The following SLC35F5 variants were observed in gnomAD, a reference collection of about 807,000 sequenced individuals.
SLC35F5 encodes HCV NS5A-transactivated protein 3.
SLC35F5 carries 54 observed loss-of-function variants against 68.6 expected under a neutral mutation model. That is an observed-to-expected ratio of 0.79 (90% CI 0.63 to 0.99). The LOEUF (loss-of-function observed/expected upper bound fraction) is 0.99, where lower values mean the gene tolerates loss of function less well. Among genes scored for constraint, SLC35F5 ranks in the 50% least tolerant of loss-of-function variants. The pLI, the probability that SLC35F5 is intolerant of heterozygous loss-of-function variation, is 0.00. For synonymous variants in SLC35F5, 211 were observed against 205.2 expected (o/e 1.03, Z -0.24); for missense variants, 567 against 626.9 (o/e 0.90, Z 1.02).
chr2:113,724,041 A>T (rs1014222077), intron 12 of SLC35F5, among the ~76,000 whole-genome samples: 2 of 152,228 alleles, frequency 1.3e-5, no homozygotes, highest in African/African-American at 4.8e-5. Context: ...CAGAATTAAT[A>T]GTGCTGTCCT....
At chr2:113,725,594 T>G in intron 11 of SLC35F5, 57 bp from the exon 12 acceptor site, 1 of 1,446,024 alleles carries the variant, frequency 6.9e-7, no homozygotes, top group Non-Finnish European at 9.2e-7. Context: ...TTTTCCAAGC[T>G]TATTAACTCT....
At chr2:113,748,953 G>A (rs898510453) in intron 4 of SLC35F5, among the ~76,000 whole-genome samples, 6 of 152,102 alleles carry the variant, frequency 3.9e-5, no homozygotes, top group Admixed American at 1.3e-4. Context: ...ACAGGAGTGC[G>A]CCACCATGCC....
chr2:113,755,864 C>T, intron 1 of SLC35F5: 2 of 1,550,638 alleles, frequency 1.3e-6, no homozygotes, highest in Non-Finnish European at 1.7e-6. Flanking sequence ...CCTCTCCATC[C>T]AGAGGAATCC....
chr2:113,734,779 A>T, intron 8 of SLC35F5, 106 bp from the exon 9 acceptor site: 2 of 652,702 alleles, frequency 3.1e-6, no homozygotes, highest in East Asian at 5.5e-5. Context: ...CCTACCTTTC[A>T]AATTATTTTT....
chr2:113,732,376 T>C (rs747324244), intron 9 of SLC35F5, among the ~76,000 whole-genome samples: 15 of 152,054 alleles, frequency 9.9e-5, no homozygotes, highest in Non-Finnish European at 2.2e-4. Flanking sequence ...TCTATTTCTA[T>C]GAATCTTATA....
chr2:113,744,173 C>T (rs1016059645), intron 5 of SLC35F5, among the ~76,000 whole-genome samples: 3 of 152,078 alleles, frequency 2.0e-5, no homozygotes, highest in South Asian at 2.1e-4. Context: ...CTATGTCAGA[C>T]GCTGTTCTAA....
At position 113,742,844 on chromosome 2, in the gene SLC35F5, T is replaced by C; in HGVS notation, c.598A>G (p.Met200Val). The C allele has an allele frequency of 6.2e-7, 1 of 1,614,110 alleles. No individual in the cohort carries two copies. Among genetic ancestry groups the C allele is most frequent in the South Asian group, 1.1e-5 (1 of 91,080 alleles). ...CTTGACGGAAGCTGTCGAATCTCCA[T>C]GATATTACTGAACCTCACACGAGAC... is the stretch of plus-strand genomic sequence containing the variant. ...KKSRVRFSNI[M>V]EIRQLPSSHA... is the part of the protein sequence containing the mutation. Residue 200 changes from methionine to valine, a missense_variant, in exon 7 of 16, where the codon ATG becomes GTG. Physicochemically the swap from Met to Val is conservative, Grantham distance 21. Transcript: ENST00000245680.
intron 7 of SLC35F5, among the ~76,000 whole-genome samples, chr2:113,738,756 T>A (rs1257807540): frequency 6.6e-6 from 1 of 152,072 alleles, no homozygotes; most frequent in Non-Finnish European, 1.5e-5. Flanking sequence ...GTCCAGTACA[T>A]TAGACACTAG....
intron 4 of SLC35F5, 32 bp from the exon 5 acceptor site, chr2:113,746,371 T>C (rs770623343): frequency 6.4e-7 from 1 of 1,566,152 alleles, no homozygotes; most frequent in East Asian, 2.2e-5. Context: ...CAAAATTCAA[T>C]GAAACTTACA....
intron 7 of SLC35F5, among the ~76,000 whole-genome samples, chr2:113,739,373 C>T (rs1055868323): frequency 6.6e-6 from 1 of 151,736 alleles, no homozygotes; most frequent in African/African-American, 2.4e-5. Context: ...TATTTTTTCA[C>T]CTTCATTATT....
intron 4 of SLC35F5, among the ~76,000 whole-genome samples, chr2:113,747,498 G>C (rs1473520044): frequency 6.6e-6 from 1 of 152,140 alleles, no homozygotes; most frequent in African/African-American, 2.4e-5. Context: ...TGCTGTAAAA[G>C]AACCCTAACA....
chr2:113,742,706 A>G lies in SLC35F5; in HGVS notation c.736T>C (p.Phe246Leu), dbSNP rs1206966623. 1.2e-6 allele frequency: 2 copies of G among 1,613,968 alleles called. No homozygotes were observed. Among genetic ancestry groups the G allele is most frequent in the African/African-American group, 2.7e-5 (2 of 74,922 alleles). Residue 246 changes from phenylalanine to leucine, a missense_variant, in exon 7 of 16, where the codon TTT becomes CTT. By Grantham distance (22) the Phe-to-Leu change is conservative (BLOSUM62 0). Transcript: ENST00000245680. The stretch of plus-strand genomic sequence containing the variant: ...AAAAGACCTACCACAAAGCAAAAAA[A>G]AAAGCTAATTTTCGCTACTTGAGTT... ...TATQVAKISF[F>L]FCFVWFLANL...
chr2:113,713,913 T>C lies in SLC35F5; in HGVS notation c.*1305A>G, dbSNP rs1687084042. 2 of 152,162 alleles carry C rather than the reference T, an allele frequency of 1.3e-5. No individual in the cohort carries two copies. Among genetic ancestry groups the C allele is most frequent in the Admixed American group, 6.5e-5 (1 of 15,280 alleles). 9.4% of individuals were successfully genotyped at this position (152,162 alleles called of 1,614,324 possible). A position where few individuals can be genotyped will look rare whatever the true frequency, so the allele number is the denominator to read the frequency against. On this transcript the variant is annotated 3_prime_UTR_variant, in exon 16 of 16. Coordinates refer to ENST00000245680, the MANE Select transcript of SLC35F5 (RefSeq NM_025181.5). The stretch of plus-strand genomic sequence containing the variant: ...ACCAAAGCAATTTTAAGAATGTGAA[T>C]AGGAAGCTAAACACTGCAAAGAGAA...
intron 11 of SLC35F5, chr2:113,725,743 C>T (rs1687637177): frequency 2.3e-6 from 1 of 442,228 alleles, no homozygotes; most frequent in South Asian, 2.9e-5. Context: ...CTGGTGATCA[C>T]TCAGTTCAAC....
chr2:113,723,341 A>G (rs921259052), intron 12 of SLC35F5, 147 bp from the exon 13 acceptor site: 6 of 399,106 alleles, frequency 1.5e-5, no homozygotes, highest in Admixed American at 4.8e-5. Flanking sequence ...AAAATATAAT[A>G]AAGTTATTAA....
At chr2:113,733,719 T>C (rs1430901386) in intron 9 of SLC35F5, among the ~76,000 whole-genome samples, 1 of 152,232 alleles carries the variant, frequency 6.6e-6, no homozygotes, top group Non-Finnish European at 1.5e-5. Context: ...TTCATAGCTA[T>C]TACCACTAAA....
intron 8 of SLC35F5, 40 bp from the exon 9 acceptor site, chr2:113,734,713 A>C: frequency 8.3e-7 from 1 of 1,205,734 alleles, no homozygotes; most frequent in Non-Finnish European, 1.2e-6. Context: ...ACATGAGTTT[A>C]AATACTGTCA....
chr2:113,755,397 C>T (rs1050732269), intron 2 of SLC35F5, 57 bp downstream of exon 2: 1 of 1,603,492 alleles, frequency 6.2e-7, no homozygotes, highest in South Asian at 1.1e-5. Flanking sequence ...AAACATTTGA[C>T]TTTTGTTAGC....
Position 113,742,722 on chromosome 2 carries a change from T to C in SLC35F5, c.720A>G (p.Val240=). ...KTVGKLTATQ[V]AKISFFFCFV... is the part of the protein sequence containing the mutation. ...AGCAAAAAAAAAAGCTAATTTTCGC[T>C]ACTTGAGTTGCAGTAAGTTTCCCCA... The change falls in exon 7 of 16, where the codon GTA becomes GTG. Residue 240 remains valine (V), a synonymous_variant. Coordinates refer to ENST00000245680, the MANE Select transcript of SLC35F5 (RefSeq NM_025181.5). 6.2e-7 allele frequency: 1 copy of C among 1,614,098 alleles called. No homozygotes were observed. Among genetic ancestry groups the C allele is most frequent in the East Asian group, 2.2e-5 (1 of 44,876 alleles).
Sources: gnomAD v4.1 joint callset for allele counts (sites outside exome capture counted in the v4.1 genomes callset) on GRCh38, gnomAD v4.1.1 for gene constraint, MANE v1.5 for transcripts, NCBI Gene and HGNC (gene_info 2026-07-23, HGNC 2026-07-21) for gene names.